The following CRYBG1 variants were observed in gnomAD, a reference collection of about 807,000 sequenced individuals.
CRYBG1 encodes crystallin beta-gamma domain containing 1, also known as beta/gamma crystallin domain-containing protein 1.
Under a neutral mutation model 189.2 loss-of-function variants are expected in CRYBG1, and 139 were observed. The ratio of observed to expected loss-of-function variants is 0.73; its 90% CI spans 0.64 to 0.85. The LOEUF (loss-of-function observed/expected upper bound fraction) is 0.85, where lower values mean the gene tolerates loss of function less well. Among genes scored for constraint, CRYBG1 ranks in the 40% least tolerant of loss-of-function variants. The pLI is 0.00. For synonymous variants in CRYBG1, 1,023 were observed against 1,017.1 expected, an observed-to-expected ratio of 1.01 and a Z score of -0.11; for missense variants, 2,611 against 2,675.8, an observed-to-expected ratio of 0.98 and a Z score of 0.53.
intron 1 of CRYBG1, among the ~76,000 whole-genome samples, chr6:106,382,661 A>G (rs1275183634): frequency 1.3e-5 from 2 of 152,324 alleles, no homozygotes; most frequent in Admixed American, 1.3e-4. Flanking sequence ...ACAATGGAAA[A>G]GAATGTAATC....
At chr6:106,475,673 G>A (rs576150705) in intron 2 of CRYBG1, among the ~76,000 whole-genome samples, 3 of 152,252 alleles carry the variant, frequency 2.0e-5, no homozygotes, top group Non-Finnish European at 4.4e-5. Context: ...TTTGAGAGTC[G>A]GGGCTTTATC....
chr6:106,510,574 C>T (rs1351640198), intron 2 of CRYBG1, among the ~76,000 whole-genome samples: 1 of 151,750 alleles, frequency 6.6e-6, no homozygotes, highest in African/African-American at 2.4e-5. Flanking sequence ...CCGTGCGACC[C>T]CGGAACCACA....
intron 1 of CRYBG1, among the ~76,000 whole-genome samples, chr6:106,393,763 C>A (rs997457983): frequency 6.6e-6 from 1 of 151,428 alleles, no homozygotes; most frequent in African/African-American, 2.4e-5. Flanking sequence ...GCAACCTCTG[C>A]CTCCCAGGTT....
At chr6:106,405,293 C>T (rs982088453) in intron 1 of CRYBG1, among the ~76,000 whole-genome samples, 3 of 152,186 alleles carry the variant, frequency 2.0e-5, no homozygotes, top group Admixed American at 6.5e-5. Flanking sequence ...CGGAGCCCAC[C>T]GCAGCTCAGC....
chr6:106,491,152 T>C (rs1415448985), intron 2 of CRYBG1, among the ~76,000 whole-genome samples: 1 of 152,216 alleles, frequency 6.6e-6, no homozygotes, highest in African/African-American at 2.4e-5. Flanking sequence ...TCACAAGTCG[T>C]GTCAGAGCAG....
intron 2 of CRYBG1, among the ~76,000 whole-genome samples, chr6:106,476,564 G>A (rs1047996494): frequency 6.6e-6 from 1 of 152,096 alleles, no homozygotes; most frequent in Non-Finnish European, 1.5e-5. Context: ...GCTTATCTAT[G>A]ATTAATTGTG....
rs78956787 is a variant in CRYBG1 at position 106,361,069 on chromosome 6, C to T, written c.161C>T (p.Ala54Val). ...VFVPHPLPAP[A>V]GEARALDVVD... is the part of the protein sequence containing the mutation. ...GTTCCGCACCCGCTCCCGGCGCCTG[C>T]CGGAGAGGCCAGGTGAGCTCCTCGC... is the stretch of plus-strand genomic sequence containing the variant. The change falls in exon 1 of 22, where the codon GCC becomes GTC. Residue 54 changes from alanine to valine, a missense_variant. By Grantham distance (64) the Ala-to-Val change is moderately conservative. Coordinates refer to ENST00000633556, the MANE Select transcript of CRYBG1 (RefSeq NM_001371242.2). 32,445 of 1,534,916 alleles carry T rather than the reference C, an allele frequency of 0.021. 448 individuals carry two copies. The highest frequency in any genetic ancestry group is 0.057 in the South Asian group (4,800 of 84,004).
At chr6:106,453,572 A>G (rs1771824859) in intron 2 of CRYBG1, among the ~76,000 whole-genome samples, 1 of 152,268 alleles carries the variant, frequency 6.6e-6, no homozygotes, top group African/African-American at 2.4e-5. Flanking sequence ...GTTGTTTCCT[A>G]TATTTTTCCT....
In CRYBG1 at chr6:106,433,736, C is replaced by CACAT. The variant is rs1554235114; in HGVS notation, c.174-17957_174-17956insCATA. Among the ~76,000 whole-genome samples, 113 of 27,656 alleles carry CACAT rather than the reference C, an allele frequency of 4.1e-3. 3 individuals carry two copies. The highest frequency in any genetic ancestry group is 9.3e-3 in the African/African-American group (111 of 11,900). The allele number at this position is 27,656 out of a possible 152,430, so 18.1% of individuals were successfully genotyped here. On this transcript the variant is annotated intron_variant, in intron 1 of 21. Transcript: ENST00000633556. The stretch of plus-strand genomic sequence containing the variant: ...ACTGGGAAATATATATATATATATA[C>CACAT]ATATATATGTATATATATATGTGTA...
In CRYBG1 at chr6:106,520,385, C is replaced by A; in HGVS notation, c.3177C>A (p.Asn1059Lys). 1.9e-6 allele frequency: 3 copies of A among 1,614,136 alleles called. No individual in the cohort carries two copies. Among genetic ancestry groups the A allele is most frequent in the Non-Finnish European group, 2.5e-6 (3 of 1,180,018 alleles). The change falls in exon 4 of 22, where the codon AAC becomes AAA. Residue 1059 changes from asparagine to lysine, a missense_variant. Transcript: ENST00000633556. ...TGATGGCTGAATCCAGTCCCACCAA[C>A]TCTCCCAGCAGCGGAAATCACTTAG... ...TPLMAESSPT[N>K]SPSSGNHLAT...
chr6:106,443,913 A>C (rs776008283), intron 1 of CRYBG1, among the ~76,000 whole-genome samples: 5 of 152,184 alleles, frequency 3.3e-5, no homozygotes, highest in African/African-American at 4.8e-5. Flanking sequence ...ACAATAAAGT[A>C]GTGTTGACTG....
At chr6:106,556,452 G>T (rs1382631695) in intron 17 of CRYBG1, among the ~76,000 whole-genome samples, 1 of 152,120 alleles carries the variant, frequency 6.6e-6, no homozygotes, top group Non-Finnish European at 1.5e-5. Flanking sequence ...TGTTATTATT[G>T]AAGAAATTCC....
At chr6:106,372,057 C>T (rs978460871) in intron 1 of CRYBG1, among the ~76,000 whole-genome samples, 2 of 152,212 alleles carry the variant, frequency 1.3e-5, no homozygotes, top group African/African-American at 4.8e-5. Flanking sequence ...CATCTGCTTT[C>T]TCACTGCAGG....
At chr6:106,456,730 T>C (rs756364147) in intron 2 of CRYBG1, among the ~76,000 whole-genome samples, 10 of 152,184 alleles carry the variant, frequency 6.6e-5, no homozygotes, top group Non-Finnish European at 1.3e-4. Flanking sequence ...TTTATGCCTG[T>C]TCCACAAAGG....
intron 2 of CRYBG1, among the ~76,000 whole-genome samples, chr6:106,462,724 T>C (rs1280321928): frequency 6.6e-6 from 1 of 152,228 alleles, no homozygotes. Flanking sequence ...AGTGGAATAA[T>C]TAGTTTAAGA....
At chr6:106,495,580 T>C (rs928737592) in intron 2 of CRYBG1, among the ~76,000 whole-genome samples, 1 of 150,492 alleles carries the variant, frequency 6.6e-6, no homozygotes, top group African/African-American at 2.4e-5. Flanking sequence ...TGGAATATAG[T>C]GGGGGGGCTG....
At chr6:106,411,615 A>G (rs1201153906) in intron 1 of CRYBG1, among the ~76,000 whole-genome samples, 1 of 152,208 alleles carries the variant, frequency 6.6e-6, no homozygotes, top group African/African-American at 2.4e-5. Context: ...ATATGTATAT[A>G]TAAAAGTGAG....
In CRYBG1 at chr6:106,419,199, T is replaced by A. The variant is rs147155286; in HGVS notation, c.174-32495T>A. 1.5e-3 allele frequency among the ~76,000 whole-genome samples: 231 copies of A among 152,352 alleles called. 3 individuals carry two copies. The highest frequency in any genetic ancestry group is 5.2e-3 in the African/African-American group (215 of 41,576). On this transcript the variant is annotated intron_variant, in intron 1 of 21. Transcript: ENST00000633556. ...CAAGCTTCCACCTTGCTTATCTATG[T>A]CTGCAGCTCAATTTTACAGGCTGCT...
At chr6:106,397,823 C>T (rs888845558) in intron 1 of CRYBG1, among the ~76,000 whole-genome samples, 5 of 152,118 alleles carry the variant, frequency 3.3e-5, no homozygotes, top group Admixed American at 2.0e-4. Context: ...ATTCCCTGTA[C>T]GCTTCCAGGA....
Sources: gnomAD v4.1 joint callset for allele counts (sites outside exome capture counted in the v4.1 genomes callset) on GRCh38, gnomAD v4.1.1 for gene constraint, MANE v1.5 for transcripts, NCBI Gene and HGNC (gene_info 2026-07-23, HGNC 2026-07-21) for gene names.